Variants in MIR2052HG observed in about 807,000 individuals in gnomAD.
MIR2052HG encodes MIR2052 host gene.
chr8:74,685,309 T>C (rs1346636103), intron 2 of MIR2052HG, among the ~76,000 whole-genome samples: 1 of 152,044 alleles, frequency 6.6e-6, no homozygotes, highest in African/African-American at 2.4e-5. Flanking sequence ...GATTCAATGA[T>C]TCCAAAAAGA....
chr8:74,753,899 A>G (rs1809973831), intron 5 of MIR2052HG, among the ~76,000 whole-genome samples: 1 of 152,230 alleles, frequency 6.6e-6, no homozygotes, highest in South Asian at 2.1e-4. Context: ...AATTGTTAGT[A>G]TCCTACCTAT....
chr8:74,631,859 C>T (rs1293016486), intron 2 of MIR2052HG, among the ~76,000 whole-genome samples: 1 of 152,172 alleles, frequency 6.6e-6, no homozygotes, highest in Non-Finnish European at 1.5e-5. Context: ...TGTGTCTTCA[C>T]ATGGTGAAAA....
At chr8:74,609,216 G>A (rs73337209) in intron 1 of MIR2052HG, among the ~76,000 whole-genome samples, 5,559 of 151,844 alleles carry the variant, frequency 0.037, 332 homozygotes, top group African/African-American at 0.13. Context: ...AACAAATACC[G>A]TGAAAGATAA....
At chr8:74,737,999 T>A (rs999817964) in intron 4 of MIR2052HG, among the ~76,000 whole-genome samples, 1 of 152,180 alleles carries the variant, frequency 6.6e-6, no homozygotes, top group Non-Finnish European at 1.5e-5. Context: ...TGTATGTATG[T>A]ATGTATGTGT....
At chr8:74,656,642 T>C (rs1808810261) in intron 2 of MIR2052HG, among the ~76,000 whole-genome samples, 1 of 152,162 alleles carries the variant, frequency 6.6e-6, no homozygotes, top group Non-Finnish European at 1.5e-5. Flanking sequence ...GGTATGTCTT[T>C]ATCAGCAGTG....
At chr8:74,736,667 T>A (rs1809747515) in intron 4 of MIR2052HG, among the ~76,000 whole-genome samples, 1 of 152,200 alleles carries the variant, frequency 6.6e-6, no homozygotes, top group Admixed American at 6.5e-5. Context: ...GTTCTAAGTG[T>A]GAGTGTGTCT....
intron 4 of MIR2052HG, among the ~76,000 whole-genome samples, chr8:74,705,071 AGATGTCAG>A (rs57115241): frequency 0.023 from 3,521 of 151,786 alleles, 134 homozygotes; most frequent in African/African-American, 0.081. Flanking sequence ...TTCCAGTGGA[AGATGTCAG>A]GATGTCAGGA....
intron 4 of MIR2052HG, among the ~76,000 whole-genome samples, chr8:74,722,700 A>G (rs1367602065): frequency 6.6e-6 from 1 of 152,232 alleles, no homozygotes; most frequent in Non-Finnish European, 1.5e-5. Context: ...TACGACCATA[A>G]CAACAGTGGT....
intron 5 of MIR2052HG, among the ~76,000 whole-genome samples, chr8:74,755,612 G>A (rs951136785): frequency 2.0e-5 from 3 of 152,098 alleles, no homozygotes; most frequent in East Asian, 1.9e-4. Context: ...TCTTTTTGGC[G>A]CTTCTAAGAG....
chr8:74,651,784 A>G (rs1808755658), intron 2 of MIR2052HG, among the ~76,000 whole-genome samples: 1 of 152,162 alleles, frequency 6.6e-6, no homozygotes, highest in African/African-American at 2.4e-5. Context: ...GAAAATACAC[A>G]GGGTCTGAGT....
chr8:74,719,825 CCTTCTTTTTTTTTTTTCTTTTTT>C (rs1343029716), intron 4 of MIR2052HG, among the ~76,000 whole-genome samples: 2 of 148,882 alleles, frequency 1.3e-5, no homozygotes, highest in Non-Finnish European at 3.0e-5. Context: ...CTTCAGTGCT[CCTTCTTTTTTTTTTTTCTTTTTT>C]CTTTTTTTTT....
rs188497482 is a variant in MIR2052HG, at chr8:74,711,985, C to T, written n.371+8303C>T. 1.9e-4 allele frequency among the ~76,000 whole-genome samples: 29 copies of T among 152,106 alleles called. 1 individual carries two copies. Among genetic ancestry groups the T allele is most frequent in the Admixed American group, 9.8e-4 (15 of 15,252 alleles). Reference sequence around the variant, plus strand: ...CTGGAGAGTTCCTTCCATGCCTCACCGTTTGCCATATTGGTTAGTCCTCCA... The same window carrying T: ...CTGGAGAGTTCCTTCCATGCCTCACTGTTTGCCATATTGGTTAGTCCTCCA... On this transcript the variant is annotated intron_variant and non_coding_transcript_variant, in intron 4 of 6. Coordinates refer to ENST00000523442, the Ensembl canonical transcript of MIR2052HG.
intron 2 of MIR2052HG, among the ~76,000 whole-genome samples, chr8:74,636,996 A>G (rs1028729043): frequency 6.6e-6 from 1 of 152,160 alleles, no homozygotes; most frequent in Non-Finnish European, 1.5e-5. Context: ...ATCTTTAATA[A>G]AGAACTCATA....
intron 4 of MIR2052HG, among the ~76,000 whole-genome samples, chr8:74,722,370 T>C (rs1363341276): frequency 6.6e-6 from 1 of 152,210 alleles, no homozygotes; most frequent in Admixed American, 6.5e-5. Context: ...TCTTTACAAA[T>C]ACAGATTTGA....
intron 4 of MIR2052HG, among the ~76,000 whole-genome samples, chr8:74,743,356 C>G (rs1809851990): frequency 6.6e-6 from 1 of 151,886 alleles, no homozygotes; most frequent in African/African-American, 2.4e-5. Flanking sequence ...CTACTGAATC[C>G]CCAAGTGTTA....
At chr8:74,637,405 A>T (rs923363017) in intron 2 of MIR2052HG, among the ~76,000 whole-genome samples, 4 of 152,108 alleles carry the variant, frequency 2.6e-5, no homozygotes, top group South Asian at 2.1e-4. Flanking sequence ...TAAATAAAAC[A>T]AACACTCAAA....
At chr8:74,729,425 C>G (rs1809668548) in intron 4 of MIR2052HG, among the ~76,000 whole-genome samples, 1 of 152,134 alleles carries the variant, frequency 6.6e-6, no homozygotes, top group Non-Finnish European at 1.5e-5. Context: ...GCCATTTAAA[C>G]TATGACATGC....
intron 4 of MIR2052HG, among the ~76,000 whole-genome samples, chr8:74,746,722 T>A (rs1349208488): frequency 6.6e-6 from 1 of 151,792 alleles, no homozygotes; most frequent in Non-Finnish European, 1.5e-5. Flanking sequence ...TGGAGGAGCT[T>A]AATTTAGGAT....
At chr8:74,725,251 A>G (rs1400268448) in intron 4 of MIR2052HG, among the ~76,000 whole-genome samples, 1 of 152,174 alleles carries the variant, frequency 6.6e-6, no homozygotes, top group Non-Finnish European at 1.5e-5. Context: ...TGCCCATGGG[A>G]CTTTTGTCCT....
Sources: allele counts gnomAD v4.1 joint callset (sites outside exome capture counted in the v4.1 genomes callset), GRCh38; gene constraint gnomAD v4.1.1; transcripts MANE v1.5; gene names NCBI Gene and HGNC (gene_info 2026-07-23, HGNC 2026-07-21).